SRD5A1: variants seen among roughly 807,000 people sequenced by gnomAD.
SRD5A1 encodes 3-oxo-5-alpha-steroid 4-dehydrogenase 1.
A neutral mutation model predicts 28.2 loss-of-function variants in SRD5A1; 22 were observed. That is an observed-to-expected ratio of 0.78 (90% CI 0.56 to 1.12). SRD5A1 has a LOEUF of 1.12. Ranked by LOEUF, SRD5A1 falls within the 50% of genes most tolerant of loss-of-function variation. The pLI, the probability that SRD5A1 is intolerant of heterozygous loss-of-function variation, is 0.00. For synonymous variants in SRD5A1, 151 were observed against 135.0 expected, an observed-to-expected ratio of 1.12 and a Z score of -0.82; for missense variants, 300 against 346.7, an observed-to-expected ratio of 0.87 and a Z score of 1.07.
chr5:6,650,945 A>G (rs1435939389), intron 1 of SRD5A1, among the ~76,000 whole-genome samples: 3 of 151,718 alleles, frequency 2.0e-5, no homozygotes, highest in East Asian at 1.9e-4. Flanking sequence ...TGATCTTTCA[A>G]TTGCCCCGAT....
intron 4 of SRD5A1, among the ~76,000 whole-genome samples, chr5:6,663,193 T>C (rs1252469824): frequency 6.6e-6 from 1 of 152,230 alleles, no homozygotes; most frequent in Non-Finnish European, 1.5e-5. Flanking sequence ...TTAGCCTCTC[T>C]GAATTGACAG....
At position 6,668,362 on chromosome 5, in the gene SRD5A1, G is replaced by T; in HGVS notation, c.*94G>T. ...TAAGTTATATCTTTGTAATTTTCCT[G>T]CTACTTTATCATTTTCAAGATGTCC... On this transcript the variant is annotated 3_prime_UTR_variant, in exon 5 of 5. Coordinates refer to ENST00000274192, the MANE Select transcript of SRD5A1 (RefSeq NM_001047.4). 6 of 780,548 alleles carry T rather than the reference G, an allele frequency of 7.7e-6. No individual in the cohort carries two copies. Among genetic ancestry groups the T allele is most frequent in the Middle Eastern group, 4.0e-4 (1 of 2,520 alleles). The allele number at this position is 780,548 out of a possible 1,614,324, so 48.4% of individuals were successfully genotyped here. A position where few individuals can be genotyped will look rare whatever the true frequency, so the allele number is the denominator to read the frequency against.
chr5:6,640,144 T>G (rs150602629), intron 1 of SRD5A1, among the ~76,000 whole-genome samples: 79 of 152,258 alleles, frequency 5.2e-4, no homozygotes, highest in Non-Finnish European at 8.7e-4. Flanking sequence ...AAAGGGACAT[T>G]GCCAGCCAGC....
At chr5:6,636,107 T>C (rs550349509) in intron 1 of SRD5A1, among the ~76,000 whole-genome samples, 7 of 152,238 alleles carry the variant, frequency 4.6e-5, no homozygotes, top group Middle Eastern at 3.4e-3. Context: ...TACATGTTAT[T>C]GTGTACATAG....
intron 2 of SRD5A1, among the ~76,000 whole-genome samples, 167 bp downstream of exon 2, chr5:6,652,175 C>A (rs1269249633): frequency 2.0e-5 from 3 of 152,236 alleles, no homozygotes; most frequent in Non-Finnish European, 4.4e-5. Context: ...CTCAGCACAG[C>A]TGGGGGCAGA....
chr5:6,654,614 G>A (rs1257317413), intron 2 of SRD5A1, among the ~76,000 whole-genome samples: 2 of 151,996 alleles, frequency 1.3e-5, no homozygotes, highest in Non-Finnish European at 2.9e-5. Context: ...TGTATTTTCA[G>A]TAGAGATGGG....
rs1738687068 is a variant in SRD5A1, at chr5:6,651,944, C to CTT, written c.396_397insTT (p.Arg133LeufsTer4). 1 of 1,614,056 alleles carries CTT rather than the reference C, an allele frequency of 6.2e-7. No individual in the cohort carries two copies. The highest frequency in any genetic ancestry group is 1.3e-5 in the African/African-American group (1 of 74,942). ...GTACCTGTAACGGCTATTTGCAAAG[C>CTT]AGATACTTGAGCCATTGTGCAGTGT... On this transcript the variant is annotated frameshift_variant, in exon 2 of 5. Transcript: ENST00000274192. LOFTEE classifies it high-confidence loss of function.
chr5:6,665,616 A>T (rs1173543534), intron 4 of SRD5A1, among the ~76,000 whole-genome samples: 1 of 152,164 alleles, frequency 6.6e-6, no homozygotes, highest in East Asian at 1.9e-4. Flanking sequence ...ATCCTTTTAT[A>T]TTCCTAATAT....
intron 1 of SRD5A1, among the ~76,000 whole-genome samples, chr5:6,635,727 T>C (rs1242210148): frequency 2.0e-5 from 3 of 152,252 alleles, no homozygotes; most frequent in Admixed American, 2.0e-4. Flanking sequence ...GCCAGCCTCA[T>C]GTGCCAGCAA....
At chr5:6,662,527 C>G (rs945070519) in intron 3 of SRD5A1, among the ~76,000 whole-genome samples, 3 of 152,230 alleles carry the variant, frequency 2.0e-5, no homozygotes, top group African/African-American at 7.2e-5. Flanking sequence ...TCTCTGCTTG[C>G]ATGATCCATC....
chr5:6,656,221 C>T, intron 3 of SRD5A1, 42 bp downstream of exon 3: 2 of 1,537,564 alleles, frequency 1.3e-6, no homozygotes, highest in Non-Finnish European at 1.8e-6. Flanking sequence ...AGTTGCTTGC[C>T]ATGGTTCCTG....
At chr5:6,667,380 T>G (rs1407823221) in intron 4 of SRD5A1, among the ~76,000 whole-genome samples, 3 of 152,258 alleles carry the variant, frequency 2.0e-5, no homozygotes, top group Non-Finnish European at 4.4e-5. Flanking sequence ...TAAACTTAAC[T>G]AAGACCAGCA....
intron 4 of SRD5A1, among the ~76,000 whole-genome samples, chr5:6,666,715 C>A (rs1739194826): frequency 1.3e-5 from 2 of 152,176 alleles, no homozygotes; most frequent in African/African-American, 4.8e-5. Context: ...CTTCAGCCAA[C>A]ATCCCTTCAT....
At chr5:6,654,371 G>T (rs1164449171) in intron 2 of SRD5A1, among the ~76,000 whole-genome samples, 1 of 150,974 alleles carries the variant, frequency 6.6e-6, no homozygotes, top group Non-Finnish European at 1.5e-5. Flanking sequence ...TCTAACAAAA[G>T]GTTTTTCAAA....
intron 3 of SRD5A1, among the ~76,000 whole-genome samples, chr5:6,660,515 A>G (rs1202939672): frequency 6.6e-6 from 1 of 152,228 alleles, no homozygotes; most frequent in East Asian, 1.9e-4. Flanking sequence ...AATCTTGTAG[A>G]AAGTTGAAGC....
At chr5:6,637,125 C>A (rs1201691821) in intron 1 of SRD5A1, among the ~76,000 whole-genome samples, 2 of 152,110 alleles carry the variant, frequency 1.3e-5, no homozygotes, top group Admixed American at 6.5e-5. Flanking sequence ...CTCACTGGGG[C>A]CCTAGTCATG....
In SRD5A1 at chr5:6,633,635, A is replaced by G; in HGVS notation, c.59A>G (p.Gln20Arg). 3 of 1,551,940 alleles carry G rather than the reference A, an allele frequency of 1.9e-6. No individual in the cohort carries two copies. Among genetic ancestry groups the G allele is most frequent in the Non-Finnish European group, 2.6e-6 (3 of 1,156,130 alleles). The change falls in exon 1 of 5, where the codon CAG (glutamine) becomes CGG (arginine). Residue 20 changes from glutamine to arginine, a missense_variant. Coordinates refer to ENST00000274192, the MANE Select transcript of SRD5A1 (RefSeq NM_001047.4). The part of the protein sequence containing the change: ...ERLLAALAYL[Q>R]CAVGCAVFAR... ...CTGCTGGCCGCGCTCGCCTACCTGC[A>G]GTGCGCCGTGGGCTGCGCGGTCTTC...
At position 6,668,395 on chromosome 5, in the gene SRD5A1, A is replaced by AT. The variant is rs897669034; in HGVS notation, c.*135dup. The stretch of plus-strand genomic sequence containing the variant: ...ATCATTTTCAAGATGTCCTCTAGGA[A>AT]TTTTTTTTCTAGTAATTTTGCAATC... On this transcript the variant is annotated 3_prime_UTR_variant, in exon 5 of 5. Coordinates refer to ENST00000274192, the MANE Select transcript of SRD5A1 (RefSeq NM_001047.4). The AT allele has an allele frequency of 4.1e-5, 24 of 582,718 alleles. No individual in the cohort carries two copies. The highest frequency in any genetic ancestry group is 6.5e-5 in the South Asian group (2 of 30,580). 36.1% of individuals were successfully genotyped at this position (582,718 alleles called of 1,614,324 possible).
Position 6,651,868 on chromosome 5 carries a change from G to A in SRD5A1, c.320G>A (p.Arg107Gln). 5 of 1,611,146 alleles carry A rather than the reference G, an allele frequency of 3.1e-6. No homozygotes were observed. Among genetic ancestry groups the A allele is most frequent in the Middle Eastern group, 1.8e-4 (1 of 5,476 alleles). Reference sequence around the variant, plus strand: ...TGCTTAATTTACCCATTTCTGATGCGAGGAGGAAAGCCTATGCCACTGTTG... The same window carrying A: ...TGCTTAATTTACCCATTTCTGATGCAAGGAGGAAAGCCTATGCCACTGTTG... The part of the protein sequence containing the change: ...HRCLIYPFLM[R>Q]GGKPMPLLAC... Residue 107 changes from arginine (R) to glutamine (Q), a missense_variant, in exon 2 of 5, where the codon CGA becomes CAA. By Grantham distance (43) the Arg-to-Gln change is conservative. Around this residue, in one of 2 missense-constraint regions of SRD5A1, gnomAD observed 174 missense variants for 160.9 expected, o/e 1.08. Transcript: ENST00000274192.
Sources: allele counts gnomAD v4.1 joint callset (sites outside exome capture counted in the v4.1 genomes callset), GRCh38; gene constraint gnomAD v4.1.1; regional missense constraint gnomAD v4.1.1; transcripts MANE v1.5; gene names NCBI Gene and HGNC (gene_info 2026-07-23, HGNC 2026-07-21).